Variants in TJAP1 observed in about 807,000 individuals in gnomAD.
TJAP1 encodes the protein tight junction associated protein 1.
In TJAP1, 27 loss-of-function variants were observed where a neutral mutation model predicts 42.0. The ratio of observed to expected loss-of-function variants is 0.64; its 90% confidence interval spans 0.47 to 0.89. The LOEUF (loss-of-function observed/expected upper bound fraction) is 0.89, where lower values mean the gene tolerates loss of function less well. TJAP1 is among the 40% of genes least tolerant of loss of function. The pLI, the probability that TJAP1 is intolerant of heterozygous loss-of-function variation, is 0.00. For synonymous variants in TJAP1, 257 were observed against 288.4 expected (o/e 0.89, Z 1.10); for missense variants, 712 against 726.9 (o/e 0.98, Z 0.24).
chr6:43,489,479 C>G (rs1278035828), intron 2 of TJAP1: 2 of 152,474 alleles, frequency 1.3e-5, no homozygotes, highest in Non-Finnish European at 2.9e-5. Context: ...GGCTGCTTCT[C>G]TCCCAGCCCC....
At chr6:43,478,167 G>A (rs1784603623) in exon 2 of TJAP1, 2 of 152,360 alleles carry the variant, frequency 1.3e-5, no homozygotes, top group African/African-American at 4.8e-5. Flanking sequence ...GGGACTGGAA[G>A]AAATTACAGT....
Position 43,502,072 on chromosome 6 carries a change from A to ACTCTCTCTCTCTCT in TJAP1, c.291-210_291-209insTCTCTCTCTCTCTC, listed in dbSNP as rs1319116155. ...GACACACACACACACACACACACAC[A>ACTCTCTCTCTCTCT]CACACTCTCTCTCTCTCTCTCTCTC... On this transcript the variant is annotated intron_variant, in intron 6 of 10. Transcript: ENST00000372449. 4.3e-4 allele frequency among the ~76,000 whole-genome samples: 50 copies of ACTCTCTCTCTCTCT among 117,222 alleles called. 4 individuals are homozygous for ACTCTCTCTCTCTCT. The highest frequency in any genetic ancestry group is 2.1e-3 in the African/African-American group (45 of 21,756). 76.9% of individuals were successfully genotyped at this position (117,222 alleles called of 152,430 possible).
intron 2 of TJAP1, chr6:43,489,757 C>T (rs1475681376): frequency 6.6e-6 from 1 of 152,230 alleles, no homozygotes; most frequent in Non-Finnish European, 1.5e-5. Context: ...GCTTGGCTTC[C>T]ATCTGGCATG....
intron 2 of TJAP1, among the ~76,000 whole-genome samples, chr6:43,487,407 G>A (rs563364769): frequency 4.9e-4 from 74 of 152,322 alleles, no homozygotes; most frequent in Middle Eastern, 3.4e-3. Flanking sequence ...AGAAGTCTTT[G>A]AGGGTCTTGA....
At chr6:43,489,078 G>A (rs922840411) in intron 2 of TJAP1, among the ~76,000 whole-genome samples, 3 of 152,190 alleles carry the variant, frequency 2.0e-5, no homozygotes, top group Admixed American at 6.5e-5. Flanking sequence ...CTAAGCATCA[G>A]TGGGTGTGGA....
In TJAP1 at chr6:43,505,161, C is replaced by G; in HGVS notation, c.980C>G (p.Pro327Arg). Residue 327 changes from proline (P) to arginine (R), a missense_variant, in exon 11 of 11, where the codon CCT becomes CGT. By Grantham distance (103) the Pro-to-Arg change is moderately radical (BLOSUM62 -2). Around this residue, in one of 3 missense-constraint regions of TJAP1, gnomAD observed 549 missense variants for 528.2 expected, o/e 1.04. Coordinates refer to ENST00000372449, the Ensembl canonical transcript of TJAP1. This position sits in a 1 kb window ranked among gnomAD's most constrained non-coding sequence, Gnocchi z 5.5. ...CCGTCTCCACCACACCCACTGTATCCTGGCCGCAGGGTAATAGAGTTCTCT... is the reference window on the plus strand; with the variant it reads ...CCGTCTCCACCACACCCACTGTATCGTGGCCGCAGGGTAATAGAGTTCTCT... 6.2e-7 allele frequency: 1 copy of G among 1,614,238 alleles called. No homozygotes were observed. Among genetic ancestry groups the G allele is most frequent in the Non-Finnish European group, 8.5e-7 (1 of 1,180,030 alleles).
In TJAP1 at chr6:43,505,363, C is replaced by T; in HGVS notation, c.1182C>T (p.Pro394=). 1 of 1,609,392 alleles carries T rather than the reference C, an allele frequency of 6.2e-7. No individual in the cohort carries two copies. Residue 394 remains proline (P), a synonymous_variant, in exon 11 of 11, where the codon CCC becomes CCT. Coordinates refer to ENST00000372449, the Ensembl canonical transcript of TJAP1. The surrounding 1 kb of genome is among the most constrained non-coding windows in gnomAD (Gnocchi z 5.5). ...CCCACCACCAGCCCAGCCCAGCACC[C>T]CTAACACTCAGTGCCCCAGCTAGCT... is the stretch of plus-strand genomic sequence containing the variant.
In TJAP1 at chr6:43,491,321, G is replaced by A. The variant is rs755956373; in HGVS notation, c.-121-6560G>A. Among the ~76,000 whole-genome samples the A allele has an allele frequency of 2.0e-5, 3 of 152,030 alleles. No individual in the cohort carries two copies. Among genetic ancestry groups the A allele is most frequent in the Admixed American group, 1.3e-4 (2 of 15,262 alleles). On this transcript the variant is annotated intron_variant, in intron 2 of 10. Coordinates refer to ENST00000372449, the Ensembl canonical transcript of TJAP1. The surrounding 1 kb of genome is among the most constrained non-coding windows in gnomAD (Gnocchi z 4.6). Reference sequence around the variant, plus strand: ...TGGGTTTTTTTTGAGACAGAGTTTCGCTCTTGTTGCCCAGGCTGGAGTGCA... The same window carrying A: ...TGGGTTTTTTTTGAGACAGAGTTTCACTCTTGTTGCCCAGGCTGGAGTGCA...
chr6:43,500,541 C>T, intron 4 of TJAP1: 1 of 589,480 alleles, frequency 1.7e-6, no homozygotes, highest in Non-Finnish European at 3.1e-6. Context: ...GTTCTTGAAT[C>T]TTCTGGTTGG....
In TJAP1 at chr6:43,500,424, C is replaced by T. The variant is rs539687082; in HGVS notation, c.100-320C>T. Among the ~76,000 whole-genome samples, 11 of 152,294 alleles carry T rather than the reference C, an allele frequency of 7.2e-5. No homozygotes were observed. The South Asian group carries it at 2.1e-3, about 29-fold the overall frequency. ...TGTGGATACAGGACCCACCAGGAGC[C>T]GAGTGAACAGCTGAGAGGCTGTCTG... On this transcript the variant is annotated intron_variant, in intron 4 of 10. Transcript: ENST00000372449.
rs573103830 is a variant in TJAP1, at chr6:43,490,860, G to A, written c.-121-7021G>A. On this transcript the variant is annotated intron_variant, in intron 2 of 10. Transcript: ENST00000372449. Reference sequence around the variant, plus strand: ...AGAAAAAGTCCTGGCCTCAGACTGGGAGATGGGTGCGTGCAGCCTGGCTTG... The same window carrying A: ...AGAAAAAGTCCTGGCCTCAGACTGGAAGATGGGTGCGTGCAGCCTGGCTTG... 1.6e-4 allele frequency among the ~76,000 whole-genome samples: 24 copies of A among 152,356 alleles called. No homozygotes were observed. The South Asian group carries it at 4.8e-3, about 30-fold the overall frequency.
At chr6:43,479,685 G>A (rs1398088152) in intron 2 of TJAP1, among the ~76,000 whole-genome samples, 1 of 151,938 alleles carries the variant, frequency 6.6e-6, no homozygotes, top group Non-Finnish European at 1.5e-5. Context: ...AACAAAAAAA[G>A]CACTGGCAGG....
intron 2 of TJAP1, 124 bp downstream of exon 2, chr6:43,478,356 TTGTC>T (rs1369991677): frequency 2.6e-5 from 4 of 152,360 alleles, no homozygotes; most frequent in Admixed American, 2.0e-4. Flanking sequence ...AGTTTGTCCT[TTGTC>T]TGAGGTCCTT....
intron 6 of TJAP1, among the ~76,000 whole-genome samples, chr6:43,502,076 A>ACTCTCTCTCT (rs529451483): frequency 4.4e-5 from 3 of 68,930 alleles, no homozygotes; most frequent in South Asian, 5.1e-4. Flanking sequence ...ACACACACAC[A>ACTCTCTCTCT]CTCTCTCTCT....
At chr6:43,490,186 A>T (rs1262996009) in intron 2 of TJAP1, among the ~76,000 whole-genome samples, 1 of 151,996 alleles carries the variant, frequency 6.6e-6, no homozygotes, top group Non-Finnish European at 1.5e-5. Flanking sequence ...CTATTTTCCC[A>T]GTCTCCCTTT....
intron 2 of TJAP1, among the ~76,000 whole-genome samples, chr6:43,487,820 C>G (rs1786863221): frequency 6.6e-6 from 1 of 151,708 alleles, no homozygotes; most frequent in Non-Finnish European, 1.5e-5. Context: ...AACTTGTTTC[C>G]CCAAAGATAG....
chr6:43,485,606 A>G (rs1786274763), intron 2 of TJAP1, among the ~76,000 whole-genome samples: 1 of 152,196 alleles, frequency 6.6e-6, no homozygotes, highest in South Asian at 2.1e-4. Flanking sequence ...AAAGCACTCA[A>G]CCACACTGTA....
At chr6:43,502,175 G>T (rs982428733) in intron 6 of TJAP1, 108 bp from the exon 7 acceptor site, 2 of 1,104,210 alleles carry the variant, frequency 1.8e-6, no homozygotes, top group East Asian at 5.2e-5. Flanking sequence ...GAAAACTGAA[G>T]TTCTTGAGGG....
rs537218088 is a variant in TJAP1, at chr6:43,486,394, C to T, written c.-122+8162C>T. Reference sequence around the variant, plus strand: ...TTTTTGAGATGGAGTCTTGCTCTGTCGCCCAGTTGGGAGTGCAGCGGCGCG... The same window carrying T: ...TTTTTGAGATGGAGTCTTGCTCTGTTGCCCAGTTGGGAGTGCAGCGGCGCG... On this transcript the variant is annotated intron_variant, in intron 2 of 10. Coordinates refer to ENST00000372449, the Ensembl canonical transcript of TJAP1. 5.5e-4 allele frequency among the ~76,000 whole-genome samples: 69 copies of T among 125,334 alleles called. 1 individual carries two copies. Among genetic ancestry groups the T allele is most frequent in the African/African-American group, 2.0e-3 (65 of 32,726 alleles). The allele number at this position is 125,334 out of a possible 152,430, so 82.2% of individuals were successfully genotyped here.
Sources: allele counts gnomAD v4.1 joint callset (sites outside exome capture counted in the v4.1 genomes callset), GRCh38; gene constraint gnomAD v4.1.1; regional missense constraint gnomAD v4.1.1; non-coding constraint Gnocchi (gnomAD v3.1); transcripts MANE v1.5; gene names NCBI Gene and HGNC (gene_info 2026-07-23, HGNC 2026-07-21).